The following DCTN3 variants were observed in gnomAD, a reference collection of about 807,000 sequenced individuals.
DCTN3 encodes dynactin 3 (p22).
DCTN3 carries 25 observed loss-of-function variants against 28.4 expected under a neutral mutation model. The observed-to-expected ratio is 0.88, with a 90% confidence interval of 0.64 to 1.23. DCTN3 has a LOEUF of 1.23. Among genes scored for constraint, DCTN3 ranks in the 50% most tolerant of loss-of-function variants. DCTN3 has a pLI of 0.00. For missense variants in DCTN3, 229 were observed against 232.0 expected (o/e 0.99, Z 0.08); for synonymous variants, 81 against 91.4 (o/e 0.89, Z 0.65).
rs372180175 is a variant in DCTN3, at chr9:34,620,475, G to C, written c.-11C>G. 3.0e-5 allele frequency: 46 copies of C among 1,548,126 alleles called. No homozygotes were observed. The African/African-American group carries it at 4.4e-4, about 15-fold the overall frequency. ...AGTCAGACCCGCCATCGCTACTACC[G>C]ACCCACCTCGGCCAGGAAACAGCCA... On this transcript the variant is annotated 5_prime_UTR_variant, in exon 1 of 7. Transcript: ENST00000259632.
At chr9:34,620,186 C>A (rs1226749893) in intron 1 of DCTN3, among the ~76,000 whole-genome samples, 183 bp downstream of exon 1, 1 of 152,186 alleles carries the variant, frequency 6.6e-6, no homozygotes, top group Non-Finnish European at 1.5e-5. Flanking sequence ...GGCTTAACCA[C>A]CCGCAGAGCC....
In DCTN3 at chr9:34,620,353, G is replaced by A. The variant is rs375071063; in HGVS notation, c.96+16C>T. The A allele has an allele frequency of 1.6e-4, 259 of 1,611,258 alleles. 1 individual carries two copies. Among genetic ancestry groups the A allele is most frequent in the Non-Finnish European group, 2.1e-4 (248 of 1,178,386 alleles). ...TGCTCTGCTCCAGAAAGGGACTACC[G>A]GACCAGACTACTCACCTTCCGTGAG... On this transcript the variant is annotated intron_variant, in intron 1 of 6. Coordinates refer to ENST00000259632, the MANE Select transcript of DCTN3 (RefSeq NM_007234.5).
chr9:34,618,708 T>C lies in DCTN3; in HGVS notation c.149A>G (p.Lys50Arg). Residue 50 changes from lysine (K) to arginine (R), a missense_variant, in exon 2 of 7, where the codon AAG becomes AGG. Coordinates refer to ENST00000259632, the MANE Select transcript of DCTN3 (RefSeq NM_007234.5). The stretch of plus-strand genomic sequence containing the variant: ...GTAGAGAATCTTCACCCTCTCCCTC[T>C]TGCTGGAAATGTTCCCCAAAGCCAC... ...VQVALGNISS[K>R]RERVKILYKK... is the part of the protein sequence containing the mutation. The C allele has an allele frequency of 6.2e-7, 1 of 1,614,184 alleles. No homozygotes were observed. The highest frequency in any genetic ancestry group is 8.5e-7 in the Non-Finnish European group (1 of 1,180,028).
chr9:34,619,943 G>A (rs907613222), intron 1 of DCTN3, among the ~76,000 whole-genome samples: 4 of 152,116 alleles, frequency 2.6e-5, no homozygotes, highest in Non-Finnish European at 5.9e-5. Context: ...ACCCTTTGGC[G>A]TTTTCCTTAT....
chr9:34,619,448 G>GA lies in DCTN3; in HGVS notation c.97-689dup, dbSNP rs1564088836. Among the ~76,000 whole-genome samples the GA allele has an allele frequency of 1.1e-4, 16 of 152,284 alleles. 1 individual carries two copies. The South Asian group carries it at 3.3e-3, about 32-fold the overall frequency. On this transcript the variant is annotated intron_variant, in intron 1 of 6. Transcript: ENST00000259632. The stretch of plus-strand genomic sequence containing the variant: ...TGAGCCTACCTAAAGTTTAGGGGTA[G>GA]AATGTAAAGAATCCCAATATTAAAG...
intron 4 of DCTN3, 51 bp from the exon 5 acceptor site, chr9:34,614,819 A>G (rs747354907): frequency 6.2e-7 from 1 of 1,605,724 alleles, no homozygotes; most frequent in South Asian, 1.1e-5. Context: ...CTCCCCCGGG[A>G]CTGCTCAATA....
In DCTN3 at chr9:34,614,756, T is replaced by C. The variant is rs1193247639; in HGVS notation, c.365A>G (p.His122Arg). ...GGCCAAGCGCTGCAGGCGGGCAGCA[T>C]GCTCAGGAACGGCTGTAAAACACAA... ...DSAHIKAVPE[H>R]AARLQRLAQI... The change falls in exon 5 of 7, where the codon CAT becomes CGT. Residue 122 changes from histidine (H) to arginine (R), a missense_variant. Physicochemically the swap from His to Arg is conservative, Grantham distance 29 (BLOSUM62 0). Coordinates refer to ENST00000259632, the MANE Select transcript of DCTN3 (RefSeq NM_007234.5). 3.1e-6 allele frequency: 5 copies of C among 1,614,060 alleles called. No homozygotes were observed. Among genetic ancestry groups the C allele is most frequent in the Non-Finnish European group, 4.2e-6 (5 of 1,180,026 alleles).
Position 34,620,379 on chromosome 9 carries a change from C to G in DCTN3, c.86G>C (p.Gly29Ala). Residue 29 changes from glycine (G) to alanine (A), a missense_variant, in exon 1 of 7, where the codon GGC becomes GCC. By Grantham distance (60) the Gly-to-Ala change is moderately conservative. Coordinates refer to ENST00000259632, the MANE Select transcript of DCTN3 (RefSeq NM_007234.5). ...GACCAGACTACTCACCTTCCGTGAG[C>G]CGCGCGCCCCGCCCGGCCCGTACAC... ...RWVYGPGGAR[G>A]SRKVADGLVK... 1 of 1,608,726 alleles carries G rather than the reference C, an allele frequency of 6.2e-7. No homozygotes were observed. Among genetic ancestry groups the G allele is most frequent in the Non-Finnish European group, 8.5e-7 (1 of 1,178,092 alleles).
In DCTN3 at chr9:34,613,751, C is replaced by T; in HGVS notation, c.*31G>A. On this transcript the variant is annotated 3_prime_UTR_variant, in exon 7 of 7. Coordinates refer to ENST00000259632, the MANE Select transcript of DCTN3 (RefSeq NM_007234.5). ...GGCATAGGGCCCTGGAGCCTGACTG[C>T]CCAGGCCCACTTTGGGATGGGGAGC... The T allele has an allele frequency of 1.2e-6, 2 of 1,612,432 alleles. No individual in the cohort carries two copies. Among genetic ancestry groups the T allele is most frequent in the Non-Finnish European group, 8.5e-7 (1 of 1,179,192 alleles).
chr9:34,613,853 G>T lies in DCTN3; in HGVS notation c.490C>A (p.Gln164Lys), dbSNP rs750363142. Residue 164 changes from glutamine (Q) to lysine (K), a missense_variant, in exon 7 of 7, where the codon CAA (glutamine) becomes AAA (lysine). Physicochemically the swap from Gln to Lys is moderately conservative, Grantham distance 53 (BLOSUM62 1). Transcript: ENST00000259632. ...YNKTTMLLSK[Q>K]FVQWDELLCQ... ...AGTAGCTCATCCCACTGCACGAATT[G>T]CTTGGAGAGAAGCATTGTCTGGTTG... The T allele has an allele frequency of 6.2e-7, 1 of 1,614,162 alleles. No individual in the cohort carries two copies. The highest frequency in any genetic ancestry group is 8.5e-7 in the Non-Finnish European group (1 of 1,180,018).
rs1342143559 is a variant in DCTN3, at chr9:34,620,427, C to T, written c.38G>A (p.Arg13Gln). 1.9e-6 allele frequency: 3 copies of T among 1,560,752 alleles called. No homozygotes were observed. Among genetic ancestry groups the T allele is most frequent in the Non-Finnish European group, 2.6e-6 (3 of 1,153,346 alleles). ...GLTDLQRLQA[R>Q]VEELERWVYG... is the part of the protein sequence containing the mutation. ...CACCCAGCGCTCCAGCTCTTCCACT[C>T]GGGCCTGTAGCCGCTGCAAGTCAGT... The change falls in exon 1 of 7, where the codon CGA becomes CAA. Residue 13 changes from arginine to glutamine, a missense_variant. Arg to Gln is a conservative substitution (Grantham distance 43). Coordinates refer to ENST00000259632, the MANE Select transcript of DCTN3 (RefSeq NM_007234.5).
chr9:34,620,436 A>T lies in DCTN3; in HGVS notation c.29T>A (p.Leu10Gln). The change falls in exon 1 of 7, where the codon CTA becomes CAA. Residue 10 changes from leucine to glutamine, a missense_variant. Transcript: ENST00000259632. MAGLTDLQR[L>Q]QARVEELERW... ...CTCCAGCTCTTCCACTCGGGCCTGT[A>T]GCCGCTGCAAGTCAGTCAGACCCGC... The T allele has an allele frequency of 6.4e-7, 1 of 1,556,732 alleles. No homozygotes were observed. Among genetic ancestry groups the T allele is most frequent in the Non-Finnish European group, 8.7e-7 (1 of 1,150,944 alleles).
Position 34,616,310 on chromosome 9 carries a change from C to A in DCTN3, c.269-197G>T, listed in dbSNP as rs1197301125. Reference sequence around the variant, plus strand: ...CTCTCCTGGATGCCTCAGGTCTGACCCATCTGAGCCTAATGAGCCTCTCAA... The same window carrying A: ...CTCTCCTGGATGCCTCAGGTCTGACACATCTGAGCCTAATGAGCCTCTCAA... On this transcript the variant is annotated intron_variant, in intron 3 of 6. Transcript: ENST00000259632. The surrounding 1 kb of genome is among the most constrained non-coding windows in gnomAD (Gnocchi z 4.7). 3 of 473,606 alleles carry A rather than the reference C, an allele frequency of 6.3e-6. No homozygotes were observed. Among genetic ancestry groups the A allele is most frequent in the South Asian group, 2.9e-5 (1 of 34,546 alleles). The allele number at this position is 473,606 out of a possible 1,614,324, so 29.3% of individuals were successfully genotyped here.
At chr9:34,614,481 C>T in intron 5 of DCTN3, 5 of 626,642 alleles carry the variant, frequency 8.0e-6, no homozygotes, top group Non-Finnish European at 1.4e-5. Flanking sequence ...CTCCCAGCCT[C>T]AACCTTATGG....
At chr9:34,615,177 C>T (rs1299519087) in intron 4 of DCTN3, 1 of 175,602 alleles carries the variant, frequency 5.7e-6, no homozygotes, top group Non-Finnish European at 1.2e-5. Flanking sequence ...AGCTGGAATC[C>T]AACACGCCAA....
rs1348007708 is a variant in DCTN3, at chr9:34,620,484, C to T, written c.-20G>A. On this transcript the variant is annotated 5_prime_UTR_variant, in exon 1 of 7. Coordinates refer to ENST00000259632, the MANE Select transcript of DCTN3 (RefSeq NM_007234.5). ...CGCCATCGCTACTACCGACCCACCT[C>T]GGCCAGGAAACAGCCAGAGGGCGGG... 1.3e-6 allele frequency: 2 copies of T among 1,546,780 alleles called. No homozygotes were observed. Among genetic ancestry groups the T allele is most frequent in the Non-Finnish European group, 1.7e-6 (2 of 1,146,314 alleles).
At chr9:34,619,251 G>C (rs1190964022) in intron 1 of DCTN3, among the ~76,000 whole-genome samples, 1 of 152,188 alleles carries the variant, frequency 6.6e-6, no homozygotes, top group Non-Finnish European at 1.5e-5. Context: ...GAGAGAAAGA[G>C]TACAGTTAAG....
intron 6 of DCTN3, 48 bp downstream of exon 6, chr9:34,613,994 G>A (rs767648819): frequency 3.1e-6 from 5 of 1,605,852 alleles, no homozygotes; most frequent in Non-Finnish European, 4.3e-6. Flanking sequence ...AAAAGGACAG[G>A]GCTTAGGGAC....
intron 5 of DCTN3, 26 bp downstream of exon 5, chr9:34,614,684 G>C (rs12352811): frequency 0.072 from 116,126 of 1,613,406 alleles, 6,847 homozygotes; most frequent in African/African-American, 0.32. Flanking sequence ...CTCCATCTTC[G>C]CTTCTAGTCA....
Sources: allele counts gnomAD v4.1 joint callset (sites outside exome capture counted in the v4.1 genomes callset), GRCh38; gene constraint gnomAD v4.1.1; non-coding constraint Gnocchi (gnomAD v3.1); transcripts MANE v1.5; gene names NCBI Gene and HGNC (gene_info 2026-07-23, HGNC 2026-07-21).